Variants in DENND2A observed in about 807,000 individuals in gnomAD.
DENND2A encodes the protein DENN domain-containing protein 2A.
Under a neutral mutation model 105.3 loss-of-function variants are expected in DENND2A, and 53 were observed. That is an observed-to-expected ratio of 0.50 (90% CI 0.40 to 0.63). The LOEUF is 0.63. Ranked by LOEUF, DENND2A falls within the 30% of genes least tolerant of loss-of-function variation. DENND2A has a pLI of 0.00. For missense variants in DENND2A, 1,138 were observed against 1,279.6 expected, an observed-to-expected ratio of 0.89 and a Z score of 1.69; for synonymous variants, 522 against 508.4, an observed-to-expected ratio of 1.03 and a Z score of -0.36.
intron 14 of DENND2A, among the ~76,000 whole-genome samples, chr7:140,530,702 G>T (rs1393639139): frequency 6.6e-6 from 1 of 151,468 alleles, no homozygotes; most frequent in Non-Finnish European, 1.5e-5. Flanking sequence ...CCAGAATCCA[G>T]CCAGAGCTTA....
intron 6 of DENND2A, among the ~76,000 whole-genome samples, 177 bp downstream of exon 6, chr7:140,573,631 G>A (rs1425061488): frequency 6.6e-6 from 1 of 152,138 alleles, no homozygotes; most frequent in Non-Finnish European, 1.5e-5. Context: ...CCACAAAAAT[G>A]ATCAGGACGA....
intron 14 of DENND2A, among the ~76,000 whole-genome samples, chr7:140,529,494 A>G (rs554055691): frequency 6.6e-6 from 1 of 152,340 alleles, no homozygotes; most frequent in African/African-American, 2.4e-5. Context: ...GCCTGTGCCC[A>G]CGTATGTTTA....
intron 9 of DENND2A, among the ~76,000 whole-genome samples, chr7:140,563,883 C>T (rs10429043): frequency 0.034 from 5,187 of 151,958 alleles, 274 homozygotes; most frequent in African/African-American, 0.11. Context: ...GAAGATGAGG[C>T]GGGAAGGCTC....
In DENND2A at chr7:140,601,560, C is replaced by G. The variant is rs1243937603; in HGVS notation, c.838G>C (p.Asp280His). Residue 280 changes from aspartate to histidine, a missense_variant, in exon 3 of 20, where the codon GAC becomes CAC. Physicochemically the swap from Asp to His is moderately conservative, Grantham distance 81. Coordinates refer to ENST00000496613, the MANE Select transcript of DENND2A (RefSeq NM_015689.5). The part of the protein sequence containing the change: ...RRTFKHAGEG[D>H]KDGKPGIGFR... ...CCGATGCCAGGCTTCCCATCTTTGT[C>G]CCCTTCTCCGGCATGTTTGAACGTT... 1 of 1,614,166 alleles carries G rather than the reference C, an allele frequency of 6.2e-7. No individual in the cohort carries two copies. Among genetic ancestry groups the G allele is most frequent in the South Asian group, 1.1e-5 (1 of 91,078 alleles).
intron 1 of DENND2A, among the ~76,000 whole-genome samples, chr7:140,628,413 G>C (rs1384446209): frequency 1.3e-5 from 2 of 151,930 alleles, no homozygotes. Context: ...CCCTACTTCT[G>C]TTTGTTTCCT....
chr7:140,531,025 T>C (rs1027221122), intron 14 of DENND2A, among the ~76,000 whole-genome samples: 2 of 152,136 alleles, frequency 1.3e-5, no homozygotes, highest in Admixed American at 6.6e-5. Context: ...AGCCACCACA[T>C]CCGGCCGACT....
At chr7:140,631,266 C>T (rs527904560) in intron 1 of DENND2A, among the ~76,000 whole-genome samples, 73 of 152,270 alleles carry the variant, frequency 4.8e-4, no homozygotes, top group African/African-American at 1.7e-3. Flanking sequence ...GGATCTGCCT[C>T]GTGGGACTCT....
intron 5 of DENND2A, among the ~76,000 whole-genome samples, chr7:140,584,113 A>G (rs890868744): frequency 2.1e-5 from 3 of 141,674 alleles, no homozygotes; most frequent in African/African-American, 6.0e-5. Flanking sequence ...GTGGAGGCGC[A>G]TGCCTGTAAT....
At chr7:140,615,941 C>G (rs751017699) in intron 1 of DENND2A, among the ~76,000 whole-genome samples, 9 of 152,108 alleles carry the variant, frequency 5.9e-5, no homozygotes, top group Non-Finnish European at 1.0e-4. Flanking sequence ...GAACAGTATT[C>G]AGCCATAAAA....
chr7:140,528,278 A>G (rs1796134777), intron 14 of DENND2A, among the ~76,000 whole-genome samples: 2 of 152,184 alleles, frequency 1.3e-5, no homozygotes, highest in Admixed American at 1.3e-4. Flanking sequence ...GATGCTTTCT[A>G]TTGAAACACT....
intron 1 of DENND2A, among the ~76,000 whole-genome samples, chr7:140,630,063 G>T (rs1233459237): frequency 6.6e-6 from 1 of 151,570 alleles, no homozygotes; most frequent in Non-Finnish European, 1.5e-5. Context: ...GTTTCACCAT[G>T]TTGGCCAGGC....
At chr7:140,621,974 A>G (rs1800310733) in intron 1 of DENND2A, among the ~76,000 whole-genome samples, 1 of 152,278 alleles carries the variant, frequency 6.6e-6, no homozygotes. Context: ...GAGACGCCCA[A>G]ATGATTTTTA....
chr7:140,597,079 G>A (rs1041919082), intron 3 of DENND2A, among the ~76,000 whole-genome samples: 41 of 152,074 alleles, frequency 2.7e-4, no homozygotes, highest in Non-Finnish European at 2.2e-4. Flanking sequence ...AATAGAGAGG[G>A]AGAGAGAAAA....
At chr7:140,588,353 C>T (rs139553440) in intron 3 of DENND2A, among the ~76,000 whole-genome samples, 14 of 152,114 alleles carry the variant, frequency 9.2e-5, no homozygotes, top group Non-Finnish European at 1.8e-4. Flanking sequence ...CAAACATAGA[C>T]GTAGAAAATA....
chr7:140,636,439 G>A (rs570213356), intron 1 of DENND2A, among the ~76,000 whole-genome samples: 15 of 152,266 alleles, frequency 9.9e-5, no homozygotes, highest in Non-Finnish European at 1.5e-4. Flanking sequence ...TGTGCGGAAC[G>A]CCAGGAACAA....
At chr7:140,583,797 G>A (rs1585688332) in intron 5 of DENND2A, among the ~76,000 whole-genome samples, 1 of 148,020 alleles carries the variant, frequency 6.8e-6, no homozygotes, top group Non-Finnish European at 1.5e-5. Flanking sequence ...GTGGTGGCGG[G>A]CGCCTGTAGT....
At chr7:140,604,970 G>C (rs1015728376) in intron 2 of DENND2A, among the ~76,000 whole-genome samples, 3 of 152,198 alleles carry the variant, frequency 2.0e-5, no homozygotes, top group Non-Finnish European at 4.4e-5. Context: ...GTTATTGTAA[G>C]TATCATAGTT....
At chr7:140,613,233 A>G (rs1430944732) in intron 1 of DENND2A, among the ~76,000 whole-genome samples, 1 of 151,820 alleles carries the variant, frequency 6.6e-6, no homozygotes, top group Non-Finnish European at 1.5e-5. Flanking sequence ...GTGAGCTATA[A>G]TCGCACCTGT....
intron 1 of DENND2A, among the ~76,000 whole-genome samples, chr7:140,632,323 C>A (rs1800760409): frequency 6.6e-6 from 1 of 152,120 alleles, no homozygotes; most frequent in Non-Finnish European, 1.5e-5. Context: ...GGACTACCCA[C>A]CTGGCTTCCT....
Sources: gnomAD v4.1 joint callset for allele counts (sites outside exome capture counted in the v4.1 genomes callset) on GRCh38, gnomAD v4.1.1 for gene constraint, MANE v1.5 for transcripts, NCBI Gene and HGNC (gene_info 2026-07-23, HGNC 2026-07-21) for gene names.